Variants in DYNC1I2 observed in about 807,000 individuals in gnomAD.
The protein encoded by DYNC1I2 is dynein cytoplasmic 1 intermediate chain 2.
A neutral mutation model predicts 88.6 loss-of-function variants in DYNC1I2; 53 were observed. The observed-to-expected ratio is 0.60, with a 90% CI of 0.48 to 0.75. The LOEUF is 0.75. Ranked by LOEUF, DYNC1I2 falls within the 30% of genes least tolerant of loss-of-function variation. The pLI is 0.00. For synonymous variants in DYNC1I2, 198 were observed against 254.6 expected, an observed-to-expected ratio of 0.78 and a Z score of 2.12; for missense variants, 458 against 766.6, an observed-to-expected ratio of 0.60 and a Z score of 4.75.
chr2:171,693,787 G>A (rs1280423473), intron 3 of DYNC1I2, among the ~76,000 whole-genome samples: 1 of 152,124 alleles, frequency 6.6e-6, no homozygotes, highest in Non-Finnish European at 1.5e-5. Flanking sequence ...TCCTTTTCTT[G>A]TAGAATTTGA....
At chr2:171,698,820 G>A (rs1057225417) in intron 3 of DYNC1I2, among the ~76,000 whole-genome samples, 7 of 152,138 alleles carry the variant, frequency 4.6e-5, no homozygotes, top group Non-Finnish European at 7.4e-5. Context: ...AGTGAGCCGA[G>A]ATGGCGCCAC....
chr2:171,719,924 G>T (rs1276719759), intron 7 of DYNC1I2, among the ~76,000 whole-genome samples: 2 of 152,032 alleles, frequency 1.3e-5, no homozygotes, highest in Admixed American at 6.5e-5. Context: ...CAAGAATGTG[G>T]TGCCCACAGA....
intron 3 of DYNC1I2, among the ~76,000 whole-genome samples, chr2:171,704,866 C>G (rs1311126054): frequency 6.6e-6 from 1 of 152,098 alleles, no homozygotes; most frequent in Non-Finnish European, 1.5e-5. Context: ...TATCATTCCC[C>G]TTTTTAAAAA....
chr2:171,748,623 T>A lies in DYNC1I2; in HGVS notation c.*734T>A, dbSNP rs1169556790. ...TAGATAATCTGTTGGTGAAAAAATT[T>A]CCCCTAGGTTAACTTTTGCTTTACT... On this transcript the variant is annotated 3_prime_UTR_variant, in exon 18 of 18. Coordinates refer to ENST00000397119, the MANE Select transcript of DYNC1I2 (RefSeq NM_001378.3). 6.6e-6 allele frequency among the ~76,000 whole-genome samples: 1 copy of A among 152,212 alleles called. No homozygotes were observed. Among genetic ancestry groups the A allele is most frequent in the East Asian group, 1.9e-4 (1 of 5,206 alleles).
chr2:171,728,577 T>A (rs1195565616), intron 13 of DYNC1I2, 140 bp from the exon 14 acceptor site: 2 of 894,186 alleles, frequency 2.2e-6, no homozygotes, highest in Admixed American at 3.4e-5. Flanking sequence ...ATATATATAT[T>A]TTACTTTGAA....
rs531331025 is a variant in DYNC1I2, at chr2:171,744,235, G to T, written c.1677+46G>T. Reference sequence around the variant, plus strand: ...AATTGCATTGAAAAATAGAAAATTGGATATTTATTGAATAATTTGTGAAAT... The same window carrying T: ...AATTGCATTGAAAAATAGAAAATTGTATATTTATTGAATAATTTGTGAAAT... On this transcript the variant is annotated intron_variant, in intron 16 of 17. Coordinates refer to ENST00000397119, the MANE Select transcript of DYNC1I2 (RefSeq NM_001378.3). The T allele has an allele frequency of 1.1e-5, 17 of 1,540,276 alleles. 1 individual carries two copies. Among genetic ancestry groups the T allele is most frequent in the Admixed American group, 1.1e-4 (5 of 46,732 alleles).
intron 15 of DYNC1I2, among the ~76,000 whole-genome samples, chr2:171,743,007 C>T (rs553972405): frequency 6.6e-6 from 1 of 152,262 alleles, no homozygotes; most frequent in East Asian, 1.9e-4. Context: ...GGGGTGCCAA[C>T]GCCTATCCCA....
chr2:171,733,265 C>CCAT (rs1046379929), intron 15 of DYNC1I2, among the ~76,000 whole-genome samples: 3 of 151,924 alleles, frequency 2.0e-5, no homozygotes, highest in African/African-American at 7.3e-5. Flanking sequence ...TAGGCTGATT[C>CCAT]CATGTCTTTG....
chr2:171,712,191 A>C (rs1687171267), intron 5 of DYNC1I2, among the ~76,000 whole-genome samples: 1 of 152,172 alleles, frequency 6.6e-6, no homozygotes, highest in Non-Finnish European at 1.5e-5. Flanking sequence ...TTAACCCATA[A>C]ATTACAGAAG....
At chr2:171,728,624 A>G (rs963874760) in intron 13 of DYNC1I2, 93 bp from the exon 14 acceptor site, 13 of 1,136,000 alleles carry the variant, frequency 1.1e-5, no homozygotes, top group African/African-American at 3.2e-5. Flanking sequence ...GTAAATAATA[A>G]AAGAATTGTT....
At chr2:171,736,366 T>C (rs776696607) in intron 15 of DYNC1I2, among the ~76,000 whole-genome samples, 2 of 152,182 alleles carry the variant, frequency 1.3e-5, no homozygotes, top group Non-Finnish European at 2.9e-5. Context: ...CACTGGTACA[T>C]TGGAGAATGT....
intron 5 of DYNC1I2, among the ~76,000 whole-genome samples, chr2:171,708,863 T>C (rs1686887379): frequency 6.6e-6 from 1 of 152,034 alleles, no homozygotes; most frequent in South Asian, 2.1e-4. Context: ...TGGCTAATTT[T>C]TGTATTTTTT....
chr2:171,700,349 C>T (rs1686152623), intron 3 of DYNC1I2, among the ~76,000 whole-genome samples: 1 of 152,210 alleles, frequency 6.6e-6, no homozygotes, highest in African/African-American at 2.4e-5. Context: ...CACAAAGCAT[C>T]ACCTCTGCCA....
rs1398178349 is a variant in DYNC1I2, at chr2:171,727,801, A to C, written c.997-20A>C. The C allele has an allele frequency of 1.2e-6, 2 of 1,605,304 alleles. No individual in the cohort carries two copies. Among genetic ancestry groups the C allele is most frequent in the East Asian group, 4.5e-5 (2 of 44,806 alleles). On this transcript the variant is annotated intron_variant, in intron 11 of 17. Coordinates refer to ENST00000397119, the MANE Select transcript of DYNC1I2 (RefSeq NM_001378.3). ...ATTTTCCATTTGAATCTCAAGTATA[A>C]AAATCTTACTTATTTGCAGTCAGCT...
chr2:171,726,188 T>C lies in DYNC1I2; in HGVS notation c.771-6T>C, dbSNP rs764244661. Reference sequence around the variant, plus strand: ...TCTTTTTGGGGGGTTTGGTCTTTTTTTGTAGAGAGATTCAAGCAGGTGCTA... The same window carrying C: ...TCTTTTTGGGGGGTTTGGTCTTTTTCTGTAGAGAGATTCAAGCAGGTGCTA... On this transcript the variant is annotated splice_polypyrimidine_tract_variant and splice_region_variant and intron_variant, in intron 9 of 17. Transcript: ENST00000397119. 4.2e-5 allele frequency: 68 copies of C among 1,604,510 alleles called. No homozygotes were observed. The Admixed American group carries it at 1.0e-3, about 24-fold the overall frequency.
In DYNC1I2 at chr2:171,712,874, C is replaced by A. The variant is rs553229933; in HGVS notation, c.395+48C>A. 43 of 1,459,890 alleles carry A rather than the reference C, an allele frequency of 2.9e-5. No homozygotes were observed. The East Asian group carries it at 8.9e-4, about 30-fold the overall frequency. The allele number at this position is 1,459,890 out of a possible 1,614,324, so 90.4% of individuals were successfully genotyped here. ...TCCCTGTTTTATAATGAATTTGATTCTTTGTGAAACTGTCCTAATTTTATT... is the reference window on the plus strand; with the variant it reads ...TCCCTGTTTTATAATGAATTTGATTATTTGTGAAACTGTCCTAATTTTATT... On this transcript the variant is annotated intron_variant, in intron 6 of 17. Transcript: ENST00000397119.
In DYNC1I2 at chr2:171,726,750, T is replaced by C. The variant is rs762046285; in HGVS notation, c.871-41T>C. ...AACTAGGATTATAAAACAGTTCTTA[T>C]TATGCATAGCATTTCTTTTCTTCTT... On this transcript the variant is annotated intron_variant, in intron 10 of 17. Coordinates refer to ENST00000397119, the MANE Select transcript of DYNC1I2 (RefSeq NM_001378.3). 30 of 1,605,206 alleles carry C rather than the reference T, an allele frequency of 1.9e-5. No homozygotes were observed. The South Asian group carries it at 3.0e-4, about 16-fold the overall frequency.
intron 15 of DYNC1I2, among the ~76,000 whole-genome samples, chr2:171,735,342 G>A (rs1375291609): frequency 2.6e-5 from 4 of 152,078 alleles, no homozygotes. Flanking sequence ...TTTAAGACAG[G>A]CTGAGCACCC....
In DYNC1I2 at chr2:171,725,920, T is replaced by A; in HGVS notation, c.609T>A (p.Ala203=). ...TTCAAAAAATTATTTATTTTCCAGC[T>A]CCCCCTCATGAGCTGACTGAAGAAG... The part of the protein sequence containing the change: ...LKKDEENDSK[A]PPHELTEEEK... The change falls in exon 9 of 18, where the codon GCT becomes GCA. Residue 203 remains alanine, a splice_region_variant and synonymous_variant. Transcript: ENST00000397119. 1 of 1,564,494 alleles carries A rather than the reference T, an allele frequency of 6.4e-7. No individual in the cohort carries two copies. Among genetic ancestry groups the A allele is most frequent in the Non-Finnish European group, 8.6e-7 (1 of 1,164,866 alleles).
Sources: gnomAD v4.1 joint callset for allele counts (sites outside exome capture counted in the v4.1 genomes callset) on GRCh38, gnomAD v4.1.1 for gene constraint, MANE v1.5 for transcripts, NCBI Gene and HGNC (gene_info 2026-07-23, HGNC 2026-07-21) for gene names.